Variants in NECTIN1 observed in about 807,000 individuals in gnomAD.
The protein encoded by NECTIN1 is nectin cell adhesion molecule 1.
In NECTIN1, 23 loss-of-function variants were observed where a neutral mutation model predicts 48.0. That is an observed-to-expected ratio of 0.48 (90% CI 0.34 to 0.68). NECTIN1 has a LOEUF of 0.68. NECTIN1 is among the 30% of genes least tolerant of loss of function. The pLI is 0.01. For synonymous variants in NECTIN1, 270 were observed against 288.9 expected (o/e 0.93, Z 0.66); for missense variants, 591 against 709.9 (o/e 0.83, Z 1.90).
Position 119,673,113 on chromosome 11 carries a change from G to T in NECTIN1, c.1003+2046C>A, listed in dbSNP as rs1591454484. ...GGGCTTAGAGCAAGGGCATGGCTGT[G>T]CCCTGCGGGGTGGGCTCCCCAGAGA... On this transcript the variant is annotated intron_variant, in intron 5 of 5. Coordinates refer to ENST00000264025, the MANE Select transcript of NECTIN1 (RefSeq NM_002855.5). The surrounding 1 kb of genome is among the most constrained non-coding windows in gnomAD (Gnocchi z 5.8). 6.6e-6 allele frequency among the ~76,000 whole-genome samples: 1 copy of T among 152,236 alleles called. No individual in the cohort carries two copies. The highest frequency in any genetic ancestry group is 1.9e-4 in the East Asian group (1 of 5,182).
In NECTIN1 at chr11:119,664,371, A is replaced by T; in HGVS notation, c.*376T>A. The T allele has an allele frequency of 9.6e-7, 1 of 1,043,378 alleles. No homozygotes were observed. Among genetic ancestry groups the T allele is most frequent in the Non-Finnish European group, 1.2e-6 (1 of 866,146 alleles). The allele number at this position is 1,043,378 out of a possible 1,614,324, so 64.6% of individuals were successfully genotyped here. On this transcript the variant is annotated 3_prime_UTR_variant, in exon 6 of 6. Transcript: ENST00000264025. ...CCCTCCACCCCCAGTGAAGAAACAC[A>T]AACAAATTCCAGTGTAGGGGGGCGG...
chr11:119,678,558 C>T lies in NECTIN1; in HGVS notation c.287G>A (p.Arg96His), dbSNP rs373047519. 7.4e-6 allele frequency: 12 copies of T among 1,614,222 alleles called. No individual in the cohort carries two copies. The highest frequency in any genetic ancestry group is 4.5e-5 in the East Asian group (2 of 44,880). The change falls in exon 2 of 6, where the codon CGT becomes CAT. Residue 96 changes from arginine (R) to histidine (H), a missense_variant. Coordinates refer to ENST00000264025, the MANE Select transcript of NECTIN1 (RefSeq NM_002855.5). This position sits in a 1 kb window ranked among gnomAD's most constrained non-coding sequence, Gnocchi z 4.4. ...GVSVLAPYRE[R>H]VEFLRPSFTD... is the part of the protein sequence containing the mutation. The stretch of plus-strand genomic sequence containing the variant: ...GAAGGAGGGCCGCAGGAATTCCACA[C>T]GCTCGCGGTAGGGAGCCAGCACGGA...
chr11:119,699,493 TC>T (rs55961761), intron 1 of NECTIN1, among the ~76,000 whole-genome samples: 152,231 of 152,232 alleles, frequency 1, 76,115 homozygotes, highest in Non-Finnish European at 1. Flanking sequence ...GAGGCCCCTG[TC>T]CCCAGCGGCC....
chr11:119,665,213 C>A lies in NECTIN1; in HGVS notation c.1088G>T (p.Ser363Ile). 1 of 1,604,912 alleles carries A rather than the reference C, an allele frequency of 6.2e-7. No homozygotes were observed. Among genetic ancestry groups the A allele is most frequent in the Non-Finnish European group, 8.5e-7 (1 of 1,179,126 alleles). Residue 363 changes from serine to isoleucine, a missense_variant, in exon 6 of 6, where the codon AGC (serine) becomes ATC (isoleucine). Physicochemically the swap from Ser to Ile is moderately radical, Grantham distance 142. Transcript: ENST00000264025. The surrounding 1 kb of genome is among the most constrained non-coding windows in gnomAD (Gnocchi z 5.1). ...PTAIIGGVAG[S>I]ILLVLIVVGG... is the part of the protein sequence containing the mutation. The stretch of plus-strand genomic sequence containing the variant: ...GACCACAATCAACACCAGCAGGATG[C>A]TCCCCGCCACGCCCCCAATGATGGC...
In NECTIN1 at chr11:119,684,081, G is replaced by A. The variant is rs557113752; in HGVS notation, c.80-5316C>T. Among the ~76,000 whole-genome samples the A allele has an allele frequency of 1.3e-5, 2 of 152,334 alleles. No individual in the cohort carries two copies. Among genetic ancestry groups the A allele is most frequent in the East Asian group, 1.9e-4 (1 of 5,180 alleles). On this transcript the variant is annotated intron_variant, in intron 1 of 5. Transcript: ENST00000264025. The surrounding 1 kb of genome is among the most constrained non-coding windows in gnomAD (Gnocchi z 5.2). ...CCAGTGCCACAGGTTCCCACGCAGC[G>A]GGGTGTGGCACACTTCGCTCCCCAC...
chr11:119,665,443 C>T lies in NECTIN1; in HGVS notation c.1004-146G>A. 3.6e-6 allele frequency: 5 copies of T among 1,386,716 alleles called. No individual in the cohort carries two copies. Among genetic ancestry groups the T allele is most frequent in the Non-Finnish European group, 4.7e-6 (5 of 1,054,872 alleles). 85.9% of individuals were successfully genotyped at this position (1,386,716 alleles called of 1,614,324 possible). On this transcript the variant is annotated intron_variant, in intron 5 of 5. Coordinates refer to ENST00000264025, the MANE Select transcript of NECTIN1 (RefSeq NM_002855.5). The surrounding 1 kb of genome is among the most constrained non-coding windows in gnomAD (Gnocchi z 5.1). ...TGAGCAGCTCCAGTTCGAGGCCCCG[C>T]AGCACTCCACCCATCCTGGAGCCCT...
chr11:119,711,508 G>A (rs1865645628), intron 1 of NECTIN1, among the ~76,000 whole-genome samples: 1 of 152,160 alleles, frequency 6.6e-6, no homozygotes, highest in South Asian at 2.1e-4. Flanking sequence ...AAGGTGCTGA[G>A]CTAGGGCCTG....
chr11:119,710,760 G>T (rs899079701), intron 1 of NECTIN1, among the ~76,000 whole-genome samples: 1 of 152,064 alleles, frequency 6.6e-6, no homozygotes, highest in Non-Finnish European at 1.5e-5. Flanking sequence ...GTGTAGAGGA[G>T]TTCATGGGAG....
intron 5 of NECTIN1, among the ~76,000 whole-genome samples, chr11:119,644,345 G>A (rs1719148916): frequency 6.6e-6 from 1 of 152,166 alleles, no homozygotes; most frequent in African/African-American, 2.4e-5. Context: ...TTGGGAGCCC[G>A]AGGAGCTTTG....
chr11:119,657,807 C>T (rs942351132), downstream of NECTIN1, among the ~76,000 whole-genome samples: 1 of 146,118 alleles, frequency 6.8e-6, no homozygotes, highest in African/African-American at 2.5e-5. Flanking sequence ...GTACCCATAG[C>T]CTACTTGGGA....
intron 5 of NECTIN1, among the ~76,000 whole-genome samples, chr11:119,649,185 C>T (rs1864454817): frequency 6.6e-6 from 1 of 152,186 alleles, no homozygotes. Context: ...TCGAGACTAT[C>T]CTGGCCAACA....
intron 5 of NECTIN1, chr11:119,641,792 G>A (rs553682792): frequency 2.0e-5 from 3 of 151,140 alleles, no homozygotes; most frequent in East Asian, 1.9e-4. Context: ...GCGCGATCTC[G>A]GCTCACTGCA....
chr11:119,690,347 GGCTTCCTT>G (rs1379524759), intron 1 of NECTIN1, among the ~76,000 whole-genome samples: 1 of 152,186 alleles, frequency 6.6e-6, no homozygotes, highest in Non-Finnish European at 1.5e-5. Context: ...AAAAAATAAA[GGCTTCCTT>G]GCTTCCTTGC....
At chr11:119,696,325 G>T (rs1245996275) in intron 1 of NECTIN1, among the ~76,000 whole-genome samples, 1 of 152,206 alleles carries the variant, frequency 6.6e-6, no homozygotes, top group Non-Finnish European at 1.5e-5. Context: ...AGAGTAAGGT[G>T]AGGATGGGCA....
intron 1 of NECTIN1, among the ~76,000 whole-genome samples, chr11:119,689,192 T>C (rs1275814792): frequency 6.6e-6 from 1 of 152,178 alleles, no homozygotes; most frequent in Admixed American, 6.5e-5. Flanking sequence ...GGCAAATTCT[T>C]TCATATTAAA....
chr11:119,710,407 T>C (rs1865622345), intron 1 of NECTIN1, among the ~76,000 whole-genome samples: 2 of 122,246 alleles, frequency 1.6e-5, no homozygotes, highest in Non-Finnish European at 3.3e-5. Flanking sequence ...TGCCTGCCAG[T>C]AGGGCTATAA....
At chr11:119,638,803 G>A (rs764972587) in exon 7 of NECTIN1, 31 of 1,613,612 alleles carry the variant, frequency 1.9e-5, no homozygotes, top group African/African-American at 8.0e-5. Context: ...GGGGCTGGTC[G>A]GTCCTGGAGA....
chr11:119,710,163 A>T lies in NECTIN1; in HGVS notation c.79+18312T>A, dbSNP rs1184560313. ...CAGCTTTCCATTTACAGAAGCGCTG[A>T]AACAGAGCCACATGCACGCACACAC... On this transcript the variant is annotated intron_variant, in intron 1 of 5. Transcript: ENST00000264025. The T allele has an allele frequency of 3.3e-5, 5 of 152,262 alleles. No individual in the cohort carries two copies. In the East Asian group the frequency reaches 9.7e-4, roughly 29 times the overall value. The allele number at this position is 152,262 out of a possible 1,614,324, so 9.4% of individuals were successfully genotyped here. A position where few individuals can be genotyped will look rare whatever the true frequency, so the allele number is the denominator to read the frequency against.
intron 4 of NECTIN1, 64 bp from the exon 5 acceptor site, chr11:119,675,374 G>A: frequency 1.3e-6 from 2 of 1,599,840 alleles, no homozygotes; most frequent in South Asian, 1.1e-5. Flanking sequence ...CTGTTCCTGG[G>A]TCACCCACTT....
Sources: gnomAD v4.1 joint callset for allele counts (sites outside exome capture counted in the v4.1 genomes callset) on GRCh38, gnomAD v4.1.1 for gene constraint, Gnocchi (gnomAD v3.1) non-coding constraint, MANE v1.5 for transcripts, NCBI Gene and HGNC (gene_info 2026-07-23, HGNC 2026-07-21) for gene names.